Variants in SLC35F3 observed in about 807,000 individuals in gnomAD.
The protein encoded by SLC35F3 is putative thiamine transporter SLC35F3.
A neutral mutation model predicts 49.9 loss-of-function variants in SLC35F3; 25 were observed. That is an observed-to-expected ratio of 0.50 (90% confidence interval 0.37 to 0.70). The LOEUF (loss-of-function observed/expected upper bound fraction) is 0.70, where lower values mean the gene tolerates loss of function less well. Among genes scored for constraint, SLC35F3 ranks in the 30% least tolerant of loss-of-function variants. SLC35F3 has a pLI of 0.00. For missense variants in SLC35F3, 525 were observed against 639.8 expected (o/e 0.82, Z 1.94); for synonymous variants, 275 against 265.4 (o/e 1.04, Z -0.35).
intron 2 of SLC35F3, among the ~76,000 whole-genome samples, chr1:233,951,170 A>G (rs965679415): frequency 6.6e-6 from 1 of 151,462 alleles, no homozygotes; most frequent in Non-Finnish European, 1.5e-5. Flanking sequence ...GTCATGCACC[A>G]TGTAACAATG....
intron 2 of SLC35F3, among the ~76,000 whole-genome samples, chr1:234,022,339 C>A (rs779570718): frequency 6.6e-6 from 1 of 152,208 alleles, no homozygotes; most frequent in Non-Finnish European, 1.5e-5. Flanking sequence ...AAGGAACTGG[C>A]TCTCCAATTG....
At chr1:234,239,704 T>C (rs1667524352) in intron 3 of SLC35F3, among the ~76,000 whole-genome samples, 1 of 152,234 alleles carries the variant, frequency 6.6e-6, no homozygotes, top group Non-Finnish European at 1.5e-5. Context: ...CCTGGGCAGG[T>C]TGGAGCAACA....
intron 2 of SLC35F3, among the ~76,000 whole-genome samples, chr1:233,987,557 G>A (rs1478401716): frequency 2.7e-5 from 4 of 150,064 alleles, no homozygotes; most frequent in Non-Finnish European, 5.9e-5. Context: ...TTAGTATATT[G>A]ATTTTGCATC....
rs10645395 is a variant in SLC35F3, at chr1:234,068,823, T to TTATATATATATATA, written c.284-162574_284-162561dup. Among the ~76,000 whole-genome samples the TTATATATATATATA allele has an allele frequency of 8.4e-3, 601 of 71,128 alleles. 110 individuals carry two copies. Among genetic ancestry groups the TTATATATATATATA allele is most frequent in the South Asian group, 0.011 (20 of 1,882 alleles). The allele number at this position is 71,128 out of a possible 152,430, so 46.7% of individuals were successfully genotyped here. A position where few individuals can be genotyped will look rare whatever the true frequency, so the allele number is the denominator to read the frequency against. On this transcript the variant is annotated intron_variant, in intron 2 of 7. Coordinates refer to ENST00000366618, the MANE Select transcript of SLC35F3 (RefSeq NM_173508.4). ...GAGTGACAGGATAAGATTTGAGACA[T>TTATATATATATATA]TATATATATATATATATATATATAT...
intron 3 of SLC35F3, among the ~76,000 whole-genome samples, chr1:234,301,080 G>C (rs1007412247): frequency 1.3e-5 from 2 of 152,184 alleles, no homozygotes; most frequent in Admixed American, 6.5e-5. Flanking sequence ...GAGTTTATTT[G>C]GGAAGGCTGA....
Position 234,231,400 on chromosome 1 carries a change from G to A in SLC35F3, c.284-17G>A. ...AAGGTCTGCAGGCCCCGCTAACCAC[G>A]CCCTTCTCTTCCCCAGGGGAGGAGC... On this transcript the variant is annotated splice_polypyrimidine_tract_variant and intron_variant, in intron 2 of 7. Transcript: ENST00000366618. The surrounding 1 kb of genome is among the most constrained non-coding windows in gnomAD (Gnocchi z 5.4). The A allele has an allele frequency of 6.6e-7, 1 of 1,504,140 alleles. No homozygotes were observed. Among genetic ancestry groups the A allele is most frequent in the Non-Finnish European group, 8.9e-7 (1 of 1,129,316 alleles). 93.2% of individuals were successfully genotyped at this position (1,504,140 alleles called of 1,614,324 possible).
At chr1:234,256,682 A>G (rs184147619) in intron 3 of SLC35F3, among the ~76,000 whole-genome samples, 1 of 152,356 alleles carries the variant, frequency 6.6e-6, no homozygotes, top group Non-Finnish European at 1.5e-5. Context: ...AAACTCCACC[A>G]TCAGATTATG....
At chr1:234,199,300 G>A (rs7521660) in intron 2 of SLC35F3, among the ~76,000 whole-genome samples, 21,160 of 151,888 alleles carry the variant, frequency 0.14, 3,676 homozygotes, top group East Asian at 0.88. Flanking sequence ...ACATCAACCA[G>A]TGGAACAGGA....
intron 3 of SLC35F3, among the ~76,000 whole-genome samples, chr1:234,272,088 T>G (rs1442492725): frequency 6.6e-6 from 1 of 152,140 alleles, no homozygotes; most frequent in African/African-American, 2.4e-5. Context: ...ATCATGCCAT[T>G]GCACTCCAGC....
intron 2 of SLC35F3, among the ~76,000 whole-genome samples, chr1:234,108,622 AG>A (rs1439034307): frequency 2.6e-4 from 32 of 122,548 alleles, no homozygotes; most frequent in African/African-American, 7.7e-4. Context: ...TATATATAAA[AG>A]ATATATATAT....
chr1:234,011,013 T>C (rs1207010716), intron 2 of SLC35F3, among the ~76,000 whole-genome samples: 3 of 152,202 alleles, frequency 2.0e-5, no homozygotes, highest in Non-Finnish European at 2.9e-5. Context: ...CATTTTACCA[T>C]AGGCTAATTC....
At chr1:234,256,472 A>G (rs1353808787) in intron 3 of SLC35F3, among the ~76,000 whole-genome samples, 1 of 152,188 alleles carries the variant, frequency 6.6e-6, no homozygotes, top group Middle Eastern at 3.2e-3. Flanking sequence ...CTTTTGCCTA[A>G]GGGCTTGCCA....
intron 2 of SLC35F3, among the ~76,000 whole-genome samples, chr1:234,171,524 C>T (rs1464676549): frequency 1.3e-5 from 2 of 152,150 alleles, no homozygotes; most frequent in East Asian, 3.8e-4. Flanking sequence ...AATACAAATT[C>T]CTGGCTTCCA....
At chr1:234,307,778 A>G (rs1407088961) in intron 3 of SLC35F3, among the ~76,000 whole-genome samples, 4 of 152,156 alleles carry the variant, frequency 2.6e-5, no homozygotes, top group African/African-American at 9.7e-5. Flanking sequence ...CATGTCCATG[A>G]GCCTGGACAG....
intron 2 of SLC35F3, among the ~76,000 whole-genome samples, chr1:234,143,477 A>G (rs996257410): frequency 6.6e-6 from 1 of 151,454 alleles, no homozygotes; most frequent in East Asian, 1.9e-4. Context: ...TTTAGTAGAG[A>G]CGGGGATTCA....
intron 3 of SLC35F3, among the ~76,000 whole-genome samples, chr1:234,288,516 G>A (rs1668458233): frequency 2.0e-5 from 3 of 152,160 alleles, no homozygotes; most frequent in African/African-American, 7.2e-5. Context: ...TATGTCTGTT[G>A]GCAGCATGAG....
intron 2 of SLC35F3, among the ~76,000 whole-genome samples, chr1:234,031,876 C>A (rs950509662): frequency 1.3e-5 from 2 of 152,198 alleles, no homozygotes; most frequent in Non-Finnish European, 2.9e-5. Context: ...ACTGTCTAGA[C>A]ACAGCCTGGA....
rs56891961 is a variant in SLC35F3, at chr1:234,251,464, CAA to C, written c.608+19739_608+19740del. Among the ~76,000 whole-genome samples the C allele has an allele frequency of 5.4e-3, 673 of 123,794 alleles. 16 individuals carry two copies. The South Asian group carries it at 0.063, about 12-fold the overall frequency. The allele number at this position is 123,794 out of a possible 152,430, so 81.2% of individuals were successfully genotyped here. On this transcript the variant is annotated intron_variant, in intron 3 of 7. Coordinates refer to ENST00000366618, the MANE Select transcript of SLC35F3 (RefSeq NM_173508.4). ...AAAAGAGCCCATTTACAAACTAAACCAAAAAAAAAAAAAAAAACACACACACA... is the reference window on the plus strand; with the variant it reads ...AAAAGAGCCCATTTACAAACTAAACCAAAAAAAAAAAAAAACACACACACA...
At chr1:233,917,040 A>G (rs1196313737) in intron 2 of SLC35F3, among the ~76,000 whole-genome samples, 1 of 152,204 alleles carries the variant, frequency 6.6e-6, no homozygotes, top group Admixed American at 6.5e-5. Flanking sequence ...CTCCTCAGGG[A>G]AGTATATACT....
Sources: allele counts gnomAD v4.1 joint callset (sites outside exome capture counted in the v4.1 genomes callset), GRCh38; gene constraint gnomAD v4.1.1; non-coding constraint Gnocchi (gnomAD v3.1); transcripts MANE v1.5; gene names NCBI Gene and HGNC (gene_info 2026-07-23, HGNC 2026-07-21).